The following AMDHD1 variants were observed in gnomAD, a reference collection of about 807,000 sequenced individuals.
The protein encoded by AMDHD1 is probable imidazolonepropionase.
AMDHD1 carries 45 observed loss-of-function variants against 44.1 expected under a neutral mutation model. The observed-to-expected ratio is 1.02, with a 90% CI of 0.80 to 1.31. The LOEUF is 1.31. Ranked by LOEUF, AMDHD1 falls within the 50% of genes most tolerant of loss-of-function variation. The pLI is 0.00. For missense variants in AMDHD1, 586 were observed against 552.1 expected (o/e 1.06, Z -0.61); for synonymous variants, 206 against 205.0 (o/e 1.00, Z -0.04).
chr12:95,958,798 G>A (rs1371117390), intron 4 of AMDHD1, among the ~76,000 whole-genome samples: 1 of 152,194 alleles, frequency 6.6e-6, no homozygotes, highest in Non-Finnish European at 1.5e-5. Context: ...GCACATACCT[G>A]TAATCCCAGC....
intron 1 of AMDHD1, among the ~76,000 whole-genome samples, chr12:95,950,325 A>G (rs1278909077): frequency 6.6e-6 from 1 of 152,096 alleles, no homozygotes; most frequent in Non-Finnish European, 1.5e-5. Flanking sequence ...TTCTTTTCCT[A>G]TCATAACATC....
intron 1 of AMDHD1, 36 bp downstream of exon 1, chr12:95,943,571 G>T: frequency 7.1e-7 from 1 of 1,408,666 alleles, no homozygotes; most frequent in Non-Finnish European, 9.2e-7. Context: ...GGACCGCCAC[G>T]GGCGGAGCTG....
intron 7 of AMDHD1, 117 bp downstream of exon 7, chr12:95,965,896 G>A: frequency 1.3e-6 from 1 of 742,732 alleles, no homozygotes; most frequent in Non-Finnish European, 2.0e-6. Flanking sequence ...ATTTTTCTGT[G>A]AAACAAGAAA....
At chr12:95,966,244 C>T (rs1156229316) in intron 7 of AMDHD1, 104 bp from the exon 8 acceptor site, 23 of 1,337,642 alleles carry the variant, frequency 1.7e-5, no homozygotes, top group East Asian at 2.3e-5. Context: ...CCAATTCCTC[C>T]TATACCTTTA....
intron 3 of AMDHD1, among the ~76,000 whole-genome samples, chr12:95,956,040 G>A (rs760532322): frequency 1.3e-5 from 2 of 152,192 alleles, no homozygotes; most frequent in African/African-American, 2.4e-5. Flanking sequence ...TACTTAGCAA[G>A]TACACATTGC....
At chr12:95,950,744 A>G (rs894918261) in intron 1 of AMDHD1, among the ~76,000 whole-genome samples, 1 of 152,278 alleles carries the variant, frequency 6.6e-6, no homozygotes, top group South Asian at 2.1e-4. Context: ...GCCAGTAAGA[A>G]TAGGAAGAGA....
intron 5 of AMDHD1, 152 bp downstream of exon 5, chr12:95,960,775 GA>G: frequency 1.2e-6 from 1 of 811,578 alleles, no homozygotes; most frequent in East Asian, 2.7e-5. Context: ...GTTGAGACTT[GA>G]AAACCCTGAC....
At chr12:95,959,627 A>T (rs12582719) in intron 4 of AMDHD1, among the ~76,000 whole-genome samples, 17,369 of 150,970 alleles carry the variant, frequency 0.12, 1,331 homozygotes, top group Non-Finnish European at 0.18. Context: ...CCTCCCCCAT[A>T]CCCCCAGATA....
chr12:95,951,073 TG>T (rs2080523675), intron 1 of AMDHD1, among the ~76,000 whole-genome samples: 1 of 152,228 alleles, frequency 6.6e-6, no homozygotes, highest in Non-Finnish European at 1.5e-5. Context: ...CATCATTTCC[TG>T]GTGTTACAAA....
chr12:95,943,963 T>C (rs2080479734), intron 1 of AMDHD1, among the ~76,000 whole-genome samples: 1 of 151,964 alleles, frequency 6.6e-6, no homozygotes, highest in Non-Finnish European at 1.5e-5. Context: ...GGGGCTGGAG[T>C]TCTGAGACCT....
chr12:95,964,215 C>T (rs1232799847), intron 6 of AMDHD1, among the ~76,000 whole-genome samples: 1 of 151,988 alleles, frequency 6.6e-6, no homozygotes, highest in Non-Finnish European at 1.5e-5. Context: ...ATTAGGACCA[C>T]AGGGGCAGTC....
At chr12:95,964,987 A>G (rs2080602317) in intron 6 of AMDHD1, among the ~76,000 whole-genome samples, 1 of 146,576 alleles carries the variant, frequency 6.8e-6, no homozygotes. Flanking sequence ...GGAAATTGCA[A>G]AATGGAAACT....
In AMDHD1 at chr12:95,967,953, G is replaced by T. The variant is rs893654003; in HGVS notation, c.*110G>T. ...AGAATTATATCACTTAAACCTAAAT[G>T]TACTTCAATGTCTTTTTAAGTCACT... On this transcript the variant is annotated 3_prime_UTR_variant, in exon 9 of 9. Transcript: ENST00000266736. The T allele has an allele frequency of 2.7e-6, 2 of 738,382 alleles. No individual in the cohort carries two copies. Among genetic ancestry groups the T allele is most frequent in the African/African-American group, 1.9e-5 (1 of 53,584 alleles). 45.7% of individuals were successfully genotyped at this position (738,382 alleles called of 1,614,324 possible). A position where few individuals can be genotyped will look rare whatever the true frequency, so the allele number is the denominator to read the frequency against.
intron 1 of AMDHD1, among the ~76,000 whole-genome samples, chr12:95,944,714 T>C (rs7953691): frequency 0.21 from 31,921 of 152,166 alleles, 3,883 homozygotes; most frequent in East Asian, 0.45. Flanking sequence ...CACGCCCAGC[T>C]TGACTGGTTT....
chr12:95,965,653 C>T, intron 6 of AMDHD1, 33 bp from the exon 7 acceptor site: 1 of 1,498,030 alleles, frequency 6.7e-7, no homozygotes, highest in African/African-American at 1.4e-5. Flanking sequence ...AGCTCCCATT[C>T]TAGAGACTGA....
chr12:95,961,196 C>T (rs1257671644), intron 5 of AMDHD1, among the ~76,000 whole-genome samples: 1 of 151,304 alleles, frequency 6.6e-6, no homozygotes, highest in African/African-American at 2.4e-5. Flanking sequence ...ATCTCTTTTA[C>T]TAAATTTCTA....
chr12:95,950,818 T>C (rs1053998765), intron 1 of AMDHD1, among the ~76,000 whole-genome samples: 1 of 152,148 alleles, frequency 6.6e-6, no homozygotes, highest in Non-Finnish European at 1.5e-5. Flanking sequence ...GGTGGGGAAA[T>C]GTAGTCTGTA....
Position 95,967,872 on chromosome 12 carries a change from T to C in AMDHD1, c.*29T>C, listed in dbSNP as rs372597782. The C allele has an allele frequency of 7.1e-4, 992 of 1,404,426 alleles. 1 individual carries two copies. Among genetic ancestry groups the C allele is most frequent in the Non-Finnish European group, 8.8e-4 (898 of 1,020,606 alleles). The allele number at this position is 1,404,426 out of a possible 1,614,324, so 87.0% of individuals were successfully genotyped here. A position where few individuals can be genotyped will look rare whatever the true frequency, so the allele number is the denominator to read the frequency against. ...ATTTGAAAAGAGAAGACTTTTTGAC[T>C]ATATGAAATAAGTCAATATAGTTAT... On this transcript the variant is annotated 3_prime_UTR_variant, in exon 9 of 9. Transcript: ENST00000266736.
At chr12:95,966,957 T>C (rs370522265) in intron 8 of AMDHD1, among the ~76,000 whole-genome samples, 2 of 152,334 alleles carry the variant, frequency 1.3e-5, no homozygotes, top group South Asian at 2.1e-4. Context: ...CACCCACCCA[T>C]AGTCTGTTGC....
Sources: gnomAD v4.1 joint callset for allele counts (sites outside exome capture counted in the v4.1 genomes callset) on GRCh38, gnomAD v4.1.1 for gene constraint, MANE v1.5 for transcripts, NCBI Gene and HGNC (gene_info 2026-07-23, HGNC 2026-07-21) for gene names.